RBFOX1: variants seen among roughly 807,000 people sequenced by gnomAD.
The protein encoded by RBFOX1 is RNA binding fox-1 homolog 1, also known as RNA binding protein fox-1 homolog 1.
A neutral mutation model predicts 57.7 loss-of-function variants in RBFOX1; 8 were observed. The observed-to-expected ratio is 0.14, with a 90% confidence interval of 0.08 to 0.25. The LOEUF is 0.25. RBFOX1 is among the 10% of genes least tolerant of loss of function. RBFOX1 has a pLI of 1.00. For synonymous variants in RBFOX1, 326 were observed against 222.4 expected, an observed-to-expected ratio of 1.47 and a Z score of -4.15; for missense variants, 611 against 548.5, an observed-to-expected ratio of 1.11 and a Z score of -1.14.
At chr16:6,912,460 C>T (rs1394648750) in intron 3 of RBFOX1, among the ~76,000 whole-genome samples, 1 of 152,062 alleles carries the variant, frequency 6.6e-6, no homozygotes, top group African/African-American at 2.4e-5. Flanking sequence ...GGATCCTTTC[C>T]AGCCCTGCGG....
At chr16:5,468,308 C>A (rs191252914) in intron 2 of RBFOX1, among the ~76,000 whole-genome samples, 28 of 152,240 alleles carry the variant, frequency 1.8e-4, no homozygotes, top group Non-Finnish European at 3.5e-4. Flanking sequence ...TTTCATCATG[C>A]CAAAGTAAAG....
At chr16:5,675,243 C>G (rs1203395941) in intron 3 of RBFOX1, among the ~76,000 whole-genome samples, 1 of 152,084 alleles carries the variant, frequency 6.6e-6, no homozygotes, top group African/African-American at 2.4e-5. Context: ...CGCACACCCA[C>G]CCACACACAC....
At chr16:7,314,542 G>T (rs1038753669) in intron 4 of RBFOX1, among the ~76,000 whole-genome samples, 1 of 152,150 alleles carries the variant, frequency 6.6e-6, no homozygotes, top group Non-Finnish European at 1.5e-5. Flanking sequence ...AATGAAGAAC[G>T]GGATGCGATC....
At chr16:6,107,182 G>C (rs77434996) in intron 1 of RBFOX1, among the ~76,000 whole-genome samples, 1 of 152,002 alleles carries the variant, frequency 6.6e-6, no homozygotes, top group Non-Finnish European at 1.5e-5. Context: ...CCTTGCCATT[G>C]GTTTCTTCTG....
intron 4 of RBFOX1, among the ~76,000 whole-genome samples, chr16:7,457,464 C>G (rs1409538147): frequency 6.6e-6 from 1 of 152,168 alleles, no homozygotes; most frequent in Non-Finnish European, 1.5e-5. Context: ...CATCTATTTA[C>G]GTATAAATAT....
intron 1 of RBFOX1, among the ~76,000 whole-genome samples, chr16:6,282,783 C>A (rs972116392): frequency 2.0e-5 from 3 of 152,168 alleles, no homozygotes; most frequent in Admixed American, 2.0e-4. Context: ...TTCCTATCAG[C>A]CTGTAAGTCT....
chr16:7,309,951 A>G lies in RBFOX1; in HGVS notation c.28-208196A>G, dbSNP rs189538650. Among the ~76,000 whole-genome samples the G allele has an allele frequency of 4.0e-3, 610 of 152,304 alleles. 5 individuals carry two copies. The highest frequency in any genetic ancestry group is 2.9e-3 in the Non-Finnish European group (200 of 68,022). On this transcript the variant is annotated intron_variant, in intron 4 of 15. Transcript: ENST00000550418. ...TTTAATTCAGTTAAGAAAAGCAAAG[A>G]AAGTTCCATTCATCAATAAAGTTTC... is the stretch of plus-strand genomic sequence containing the variant.
chr16:7,118,274 T>C (rs1034664261), intron 4 of RBFOX1, among the ~76,000 whole-genome samples: 1 of 152,124 alleles, frequency 6.6e-6, no homozygotes, highest in Non-Finnish European at 1.5e-5. Flanking sequence ...TTTTTAACAG[T>C]GGTCATTCTG....
rs34447124 is a variant in RBFOX1 at position 5,907,721 on chromosome 16, TATCATC to T, written c.351+40425_351+40430del. 7.8e-3 allele frequency among the ~76,000 whole-genome samples: 1,140 copies of T among 146,130 alleles called. 9 individuals carry two copies. Among genetic ancestry groups the T allele is most frequent in the Non-Finnish European group, 7.6e-3 (509 of 66,992 alleles). On this transcript the variant is annotated intron_variant, in intron 4 of 19. Transcript: ENST00000641259. ...AAGACGCGAACTCAAGGAGACTATT[TATCATC>T]ATCATCATCATCATCATCATCATCA...
chr16:7,597,672 G>T (rs1028637818), intron 9 of RBFOX1, among the ~76,000 whole-genome samples: 2 of 152,130 alleles, frequency 1.3e-5, no homozygotes, highest in Admixed American at 6.5e-5. Flanking sequence ...ACTCTGTTTG[G>T]GATTGAGATG....
chr16:6,421,845 C>A (rs9929362), intron 2 of RBFOX1, among the ~76,000 whole-genome samples: 1 of 148,840 alleles, frequency 6.7e-6, no homozygotes, highest in South Asian at 2.1e-4. Context: ...GACCTCCCCC[C>A]TCCTCAGTCA....
At chr16:6,893,988 A>G (rs2066145607) in intron 3 of RBFOX1, among the ~76,000 whole-genome samples, 1 of 152,130 alleles carries the variant, frequency 6.6e-6, no homozygotes, top group Non-Finnish European at 1.5e-5. Context: ...AATATCCCAA[A>G]GACAGTGCTA....
At chr16:6,388,084 A>G (rs947478750) in intron 2 of RBFOX1, among the ~76,000 whole-genome samples, 1 of 145,508 alleles carries the variant, frequency 6.9e-6, no homozygotes, top group Non-Finnish European at 1.5e-5. Context: ...GGTTCAAGCG[A>G]TTCTTCTGCC....
At chr16:6,455,296 C>T (rs541136378) in intron 2 of RBFOX1, among the ~76,000 whole-genome samples, 1 of 152,102 alleles carries the variant, frequency 6.6e-6, no homozygotes, top group East Asian at 1.9e-4. Flanking sequence ...ACAACCTAAC[C>T]ACGATGTATT....
At chr16:7,501,672 A>G (rs1006244652) in intron 4 of RBFOX1, among the ~76,000 whole-genome samples, 1 of 152,196 alleles carries the variant, frequency 6.6e-6, no homozygotes, top group East Asian at 1.9e-4. Flanking sequence ...TAGCATTACA[A>G]TTGGCCTTTC....
intron 1 of RBFOX1, among the ~76,000 whole-genome samples, chr16:6,076,361 C>CAA (rs147042564): frequency 2.0e-5 from 3 of 151,672 alleles, no homozygotes; most frequent in African/African-American, 7.3e-5. Context: ...CACACACACA[C>CAA]CCCACCTCTT....
chr16:5,622,427 A>C (rs2048226096), intron 3 of RBFOX1, among the ~76,000 whole-genome samples: 1 of 152,238 alleles, frequency 6.6e-6, no homozygotes, highest in Non-Finnish European at 1.5e-5. Flanking sequence ...CTGGCGTAGT[A>C]AGCCCTTGGT....
Position 7,171,178 on chromosome 16 carries a change from G to C in RBFOX1, c.27+119080G>C, listed in dbSNP as rs75803165. 4.8e-3 allele frequency among the ~76,000 whole-genome samples: 730 copies of C among 152,292 alleles called. 2 individuals are homozygous for C. Among genetic ancestry groups the C allele is most frequent in the African/African-American group, 0.016 (676 of 41,552 alleles). ...ATTGCCAGTCGGCAATTGGCGAGGA[G>C]CTGCACAAATCACAGGCACCCAGTA... On this transcript the variant is annotated intron_variant, in intron 4 of 15. Coordinates refer to ENST00000550418, the MANE Select transcript of RBFOX1 (RefSeq NM_018723.4).
At chr16:6,917,809 C>G (rs954516437) in intron 3 of RBFOX1, among the ~76,000 whole-genome samples, 5 of 152,158 alleles carry the variant, frequency 3.3e-5, no homozygotes, top group East Asian at 3.9e-4. Flanking sequence ...CTTCAGCTGC[C>G]TCTTAGAGAA....
Sources: gnomAD v4.1 joint callset for allele counts (sites outside exome capture counted in the v4.1 genomes callset) on GRCh38, gnomAD v4.1.1 for gene constraint, MANE v1.5 for transcripts, NCBI Gene and HGNC (gene_info 2026-07-23, HGNC 2026-07-21) for gene names.